The following PTGIS variants were observed in gnomAD, a reference collection of about 807,000 sequenced individuals.
PTGIS encodes prostaglandin I2 synthase.
PTGIS carries 45 observed loss-of-function variants against 50.3 expected under a neutral mutation model. That is an observed-to-expected ratio of 0.90 (90% confidence interval 0.70 to 1.15). The LOEUF (loss-of-function observed/expected upper bound fraction) is 1.15, where lower values mean the gene tolerates loss of function less well. Ranked by LOEUF, PTGIS falls within the 50% of genes most tolerant of loss-of-function variation. The pLI is 0.00. For synonymous variants in PTGIS, 260 were observed against 267.7 expected, an observed-to-expected ratio of 0.97 and a Z score of 0.28; for missense variants, 668 against 661.3, an observed-to-expected ratio of 1.01 and a Z score of -0.11.
At chr20:49,558,476 G>C (rs969720916) in intron 1 of PTGIS, among the ~76,000 whole-genome samples, 1 of 152,172 alleles carries the variant, frequency 6.6e-6, no homozygotes, top group Non-Finnish European at 1.5e-5. Context: ...ATGTAAAATC[G>C]TGCAGCTGCT....
At chr20:49,557,860 G>A (rs976889878) in intron 1 of PTGIS, among the ~76,000 whole-genome samples, 5 of 152,044 alleles carry the variant, frequency 3.3e-5, no homozygotes, top group Admixed American at 2.0e-4. Flanking sequence ...TTTCTCTTGT[G>A]ACATGGGGAT....
Position 49,538,115 on chromosome 20 carries a change from C to G in PTGIS, c.673+1455G>C, listed in dbSNP as rs137920956. 3.9e-3 allele frequency among the ~76,000 whole-genome samples: 581 copies of G among 150,328 alleles called. 2 individuals are homozygous for G. The highest frequency in any genetic ancestry group is 0.014 in the African/African-American group (557 of 40,836). ...CAAAAAAATTTAAAAATTAGCCAAGCCTAGTGGCATATGCCTGTAGTCCCA... is the reference window on the plus strand; with the variant it reads ...CAAAAAAATTTAAAAATTAGCCAAGGCTAGTGGCATATGCCTGTAGTCCCA... On this transcript the variant is annotated intron_variant, in intron 5 of 9. Coordinates refer to ENST00000244043, the MANE Select transcript of PTGIS (RefSeq NM_000961.4).
Position 49,544,433 on chromosome 20 carries a change from T to C in PTGIS, c.393A>G (p.Arg131=), listed in dbSNP as rs763437788. Residue 131 remains arginine (R), a synonymous_variant, in exon 4 of 10, where the codon AGA becomes AGG. Transcript: ENST00000244043. The part of the protein sequence containing the change: ...KARMKLTLLH[R]ELQALTEAMY... ...TGGCTTCTGTGAGTGCCTGGAGCTC[T>C]CTGTGGAGAAGAGTCCTGAGGCAGG... 4 of 1,614,094 alleles carry C rather than the reference T, an allele frequency of 2.5e-6. No individual in the cohort carries two copies. The highest frequency in any genetic ancestry group is 3.4e-6 in the Non-Finnish European group (4 of 1,179,980).
chr20:49,538,598 C>T (rs564761000), intron 5 of PTGIS, among the ~76,000 whole-genome samples: 3 of 152,234 alleles, frequency 2.0e-5, no homozygotes, highest in Admixed American at 2.0e-4. Context: ...AGTCCAGTGG[C>T]TACCTCGCAG....
rs1982169223 is a variant in PTGIS at position 49,539,575 on chromosome 20, G to T, written c.668C>A (p.Ser223Ter). The change falls in exon 5 of 10, where the codon TCA becomes TAA. Residue 223 changes from serine (S) to a stop codon, truncating the protein, a stop_gained. Transcript: ENST00000244043. LOFTEE classifies it high-confidence loss of function. ...LLPKLARGSL[S>*]VGDKDHMCSV... is the part of the protein sequence containing the mutation. Reference sequence around the variant, plus strand: ...GGGGCCCCCATGGTGCTTACCCACTGACAGGGAGCCACGGGCCAGTTTGGG... The same window carrying T: ...GGGGCCCCCATGGTGCTTACCCACTTACAGGGAGCCACGGGCCAGTTTGGG... 6.2e-7 allele frequency: 1 copy of T among 1,613,698 alleles called. No homozygotes were observed. Among genetic ancestry groups the T allele is most frequent in the Non-Finnish European group, 8.5e-7 (1 of 1,179,908 alleles).
chr20:49,562,183 C>T lies in PTGIS; in HGVS notation c.74+5860G>A, dbSNP rs554330116. ...TTGACACTACCCTGGCCCCCAGTCA[C>T]CCTAAGTGGGCATTTTCACCTCCAT... On this transcript the variant is annotated intron_variant, in intron 1 of 9. Coordinates refer to ENST00000244043, the MANE Select transcript of PTGIS (RefSeq NM_000961.4). 2.0e-3 allele frequency among the ~76,000 whole-genome samples: 308 copies of T among 152,292 alleles called. 1 individual carries two copies. Among genetic ancestry groups the T allele is most frequent in the Non-Finnish European group, 3.0e-3 (202 of 68,026 alleles).
At chr20:49,529,944 C>T (rs1243752355) in intron 5 of PTGIS, among the ~76,000 whole-genome samples, 6 of 152,046 alleles carry the variant, frequency 3.9e-5, no homozygotes, top group Admixed American at 3.3e-4. Flanking sequence ...CACCTGAGGT[C>T]GGGAGTTCGA....
intron 7 of PTGIS, 138 bp downstream of exon 7, chr20:49,514,089 G>A: frequency 1.0e-6 from 1 of 995,256 alleles, no homozygotes. Context: ...GGTGTGTGAA[G>A]ATAGGAGGCT....
In PTGIS at chr20:49,513,073, C is replaced by T. The variant is rs1981365668; in HGVS notation, c.1206+7G>A. The T allele has an allele frequency of 6.2e-7, 1 of 1,614,050 alleles. No individual in the cohort carries two copies. Among genetic ancestry groups the T allele is most frequent in the African/African-American group, 1.3e-5 (1 of 74,924 alleles). The stretch of plus-strand genomic sequence containing the variant: ...ACCCCATATGACCAGGCGCCCCTGC[C>T]ATTTACCTCTGGGTCTGTGTAGATT... On this transcript the variant is annotated splice_region_variant and intron_variant, in intron 8 of 9. Coordinates refer to ENST00000244043, the MANE Select transcript of PTGIS (RefSeq NM_000961.4).
At position 49,506,413 on chromosome 20, in the gene PTGIS, T is replaced by C. The variant is rs554120177; in HGVS notation, c.*1507A>G. Reference sequence around the variant, plus strand: ...TATTTATTGAGACAGAGTCTTGCTCTGTCGCCCAGGCTGGAGTGCCGTGGC... The same window carrying C: ...TATTTATTGAGACAGAGTCTTGCTCCGTCGCCCAGGCTGGAGTGCCGTGGC... On this transcript the variant is annotated 3_prime_UTR_variant, in exon 10 of 10. Transcript: ENST00000244043. 6.6e-6 allele frequency: 1 copy of C among 152,262 alleles called. No homozygotes were observed. The highest frequency in any genetic ancestry group is 1.5e-5 in the Non-Finnish European group (1 of 68,052). 9.4% of individuals were successfully genotyped at this position (152,262 alleles called of 1,614,324 possible). A position where few individuals can be genotyped will look rare whatever the true frequency, so the allele number is the denominator to read the frequency against.
intron 5 of PTGIS, among the ~76,000 whole-genome samples, chr20:49,538,435 T>A (rs1007966340): frequency 1.7e-4 from 26 of 151,420 alleles, no homozygotes; most frequent in African/African-American, 6.1e-4. Flanking sequence ...AAAAAATAAA[T>A]AAAAACTGGA....
Position 49,550,188 on chromosome 20 carries a change from G to A in PTGIS, c.76C>T (p.Arg26Ter), listed in dbSNP as rs147584032. ...LLLLSRRRTR[R>*]PGEPPLDLGS... ...AGGTCCAGGGGAGGCTCACCAGGTC[G>A]CCTACAGAAGCCATGGCACTTGTCA... Residue 26 changes from arginine to a stop codon, truncating the protein, a stop_gained and splice_region_variant, in exon 2 of 10, where the codon CGA becomes TGA. Coordinates refer to ENST00000244043, the MANE Select transcript of PTGIS (RefSeq NM_000961.4). LOFTEE classifies it high-confidence loss of function. The A allele has an allele frequency of 2.2e-5, 36 of 1,612,104 alleles. No individual in the cohort carries two copies. Among genetic ancestry groups the A allele is most frequent in the Middle Eastern group, 3.6e-4 (2 of 5,618 alleles).
chr20:49,527,626 G>A (rs1981824843), intron 5 of PTGIS, among the ~76,000 whole-genome samples: 2 of 152,118 alleles, frequency 1.3e-5, no homozygotes, highest in African/African-American at 4.8e-5. Context: ...TGTTTAATGG[G>A]CACAAAGCTT....
chr20:49,555,348 T>C lies in PTGIS; in HGVS notation c.75-5159A>G, dbSNP rs138284955. ...TACCTTTGGCTAAATGAATGACTTATTTTACAATAACCTGTGATTCTATTT... is the reference window on the plus strand; with the variant it reads ...TACCTTTGGCTAAATGAATGACTTACTTTACAATAACCTGTGATTCTATTT... On this transcript the variant is annotated intron_variant, in intron 1 of 9. Transcript: ENST00000244043. Among the ~76,000 whole-genome samples the C allele has an allele frequency of 4.7e-3, 721 of 152,328 alleles. 9 individuals are homozygous for C. The highest frequency in any genetic ancestry group is 0.017 in the African/African-American group (697 of 41,566).
intron 7 of PTGIS, among the ~76,000 whole-genome samples, 167 bp from the exon 8 acceptor site, chr20:49,513,428 G>T (rs1460550740): frequency 6.6e-6 from 1 of 152,096 alleles, no homozygotes; most frequent in Non-Finnish European, 1.5e-5. Context: ...ATGACATGTG[G>T]TCTCTGTGGT....
At chr20:49,536,474 CTTTCTTT>C (rs1474237774) in intron 5 of PTGIS, among the ~76,000 whole-genome samples, 25 of 125,578 alleles carry the variant, frequency 2.0e-4, no homozygotes, top group African/African-American at 8.3e-4. Context: ...TTCTTTCTTT[CTTTCTTT>C]TTTTTTTTTT....
chr20:49,511,149 C>T lies in PTGIS; in HGVS notation c.1237G>A (p.Asp413Asn), dbSNP rs1267980040. ...VFKYNRFLNP[D>N]GSEKKDFYKD... ...TAAAAGTCTTTCTTCTCTGATCCGT[C>T]AGGGTTCAGGAATCGGTTGTATTTA... The change falls in exon 9 of 10, where the codon GAC becomes AAC. Residue 413 changes from aspartate to asparagine, a missense_variant. Transcript: ENST00000244043. The T allele has an allele frequency of 1.9e-6, 3 of 1,614,090 alleles. No individual in the cohort carries two copies. Among genetic ancestry groups the T allele is most frequent in the African/African-American group, 2.7e-5 (2 of 74,928 alleles).
At chr20:49,533,938 G>T (rs1042949911) in intron 5 of PTGIS, among the ~76,000 whole-genome samples, 1 of 151,892 alleles carries the variant, frequency 6.6e-6, no homozygotes, top group African/African-American at 2.4e-5. Context: ...TCCAACCTGG[G>T]CAACAGAGCA....
At chr20:49,537,478 G>T (rs1180756059) in intron 5 of PTGIS, among the ~76,000 whole-genome samples, 1 of 152,240 alleles carries the variant, frequency 6.6e-6, no homozygotes, top group African/African-American at 2.4e-5. Flanking sequence ...GGCTAGGCAG[G>T]GCGTGGTGGC....
Sources: gnomAD v4.1 joint callset for allele counts (sites outside exome capture counted in the v4.1 genomes callset) on GRCh38, gnomAD v4.1.1 for gene constraint, MANE v1.5 for transcripts, NCBI Gene and HGNC (gene_info 2026-07-23, HGNC 2026-07-21) for gene names.